Variants in CTU2 observed in about 807,000 individuals in gnomAD.
The protein encoded by CTU2 is cytoplasmic tRNA 2-thiolation protein 2.
Under a neutral mutation model 64.1 loss-of-function variants are expected in CTU2, and 80 were observed. That is an observed-to-expected ratio of 1.25 (90% confidence interval 1.04 to 1.50). CTU2 has a LOEUF of 1.50. Among genes scored for constraint, CTU2 ranks in the 40% most tolerant of loss-of-function variants. CTU2 has a pLI of 0.00. For missense variants in CTU2, 1,110 were observed against 690.2 expected, an observed-to-expected ratio of 1.61 and a Z score of -6.81; for synonymous variants, 482 against 285.3, an observed-to-expected ratio of 1.69 and a Z score of -6.95.
Position 88,714,631 on chromosome 16 carries a change from C to G in CTU2, c.1246C>G (p.Gln416Glu), listed in dbSNP as rs199700993. 6 of 1,612,608 alleles carry G rather than the reference C, an allele frequency of 3.7e-6. No homozygotes were observed. The South Asian group carries it at 4.4e-5, about 12-fold the overall frequency. ...FGAQTSSRLS[Q>E]MQSPIPLTET... is the part of the protein sequence containing the mutation. ...GGCTCAGACCTCCTCGCGTCTCTCC[C>G]AGATGCAGTCACCCATCCCCCTGAC... The change falls in exon 12 of 15, where the codon CAG (glutamine) becomes GAG (glutamate). Residue 416 changes from glutamine to glutamate, a missense_variant. Coordinates refer to ENST00000453996, the MANE Select transcript of CTU2 (RefSeq NM_001012759.3).
In CTU2 at chr16:88,713,477, C is replaced by G. The variant is rs200950022; in HGVS notation, c.873+30C>G. On this transcript the variant is annotated intron_variant, in intron 8 of 14. Coordinates refer to ENST00000453996, the MANE Select transcript of CTU2 (RefSeq NM_001012759.3). Reference sequence around the variant, plus strand: ...GCAGGGGCCTGGGTGTTCAGGAGGCCCATCCTCACCTTCACCCCTTCGGCC... The same window carrying G: ...GCAGGGGCCTGGGTGTTCAGGAGGCGCATCCTCACCTTCACCCCTTCGGCC... 2.6e-6 allele frequency: 4 copies of G among 1,561,032 alleles called. No homozygotes were observed. In the African/African-American group the frequency reaches 4.1e-5, roughly 16 times the overall value.
chr16:88,708,371 A>C (rs890597590), intron 2 of CTU2, among the ~76,000 whole-genome samples: 1 of 152,138 alleles, frequency 6.6e-6, no homozygotes, highest in Non-Finnish European at 1.5e-5. Context: ...GCCTTCCCTG[A>C]CCCACAGGGG....
rs768059367 is a variant in CTU2 at position 88,713,421 on chromosome 16, C to T, written c.847C>T (p.Arg283Ter). The T allele has an allele frequency of 5.0e-6, 8 of 1,592,772 alleles. No individual in the cohort carries two copies. The highest frequency in any genetic ancestry group is 1.1e-5 in the South Asian group (1 of 87,940). Residue 283 changes from arginine to a stop codon, truncating the protein, a stop_gained, in exon 8 of 15, where the codon CGA (arginine) becomes TGA (stop). Coordinates refer to ENST00000453996, the MANE Select transcript of CTU2 (RefSeq NM_001012759.3). LOFTEE classifies it high-confidence loss of function. ...IKLMTNLALG[R>*]GAFLAWDTGF... is the part of the protein sequence containing the mutation. ...GCTCATGACCAACCTGGCGCTGGGT[C>T]GAGGGGCCTTCCTGGCCTGGGATAC...
rs755292375 is a variant in CTU2 at position 88,715,039 on chromosome 16, C to G, written c.1420-9C>G. On this transcript the variant is annotated splice_polypyrimidine_tract_variant and intron_variant, in intron 13 of 14. Transcript: ENST00000453996. ...TTTCTTGGCCCCTCGACACCGGCCT[C>G]TGTTGCAGCCCTCACTGGACCCCCT... The G allele has an allele frequency of 1.9e-6, 3 of 1,576,318 alleles. No individual in the cohort carries two copies. Among genetic ancestry groups the G allele is most frequent in the African/African-American group, 2.7e-5 (2 of 74,444 alleles).
chr16:88,713,391 A>G lies in CTU2; in HGVS notation c.817A>G (p.Ile273Val), dbSNP rs768661007. 9.4e-6 allele frequency: 15 copies of G among 1,603,346 alleles called. No homozygotes were observed. Among genetic ancestry groups the G allele is most frequent in the African/African-American group, 2.7e-5 (2 of 74,076 alleles). The change falls in exon 8 of 15, where the codon ATC becomes GTC. Residue 273 changes from isoleucine to valine, a missense_variant. Physicochemically the swap from Ile to Val is conservative, Grantham distance 29. Coordinates refer to ENST00000453996, the MANE Select transcript of CTU2 (RefSeq NM_001012759.3). ...MTGDSCTRLAIKLMTNLALGR... is the reference protein window; with the variant it reads ...MTGDSCTRLAVKLMTNLALGR... ...TGGGGACAGCTGCACACGCTTGGCTATCAAGCTCATGACCAACCTGGCGCT... is the reference window on the plus strand; with the variant it reads ...TGGGGACAGCTGCACACGCTTGGCTGTCAAGCTCATGACCAACCTGGCGCT...
At chr16:88,709,748 C>T in intron 2 of CTU2, 190 bp from the exon 3 acceptor site, 1 of 606,780 alleles carries the variant, frequency 1.6e-6, no homozygotes, top group African/African-American at 1.8e-5. Context: ...GCCTCGTGTT[C>T]ACCCTGAGGA....
intron 8 of CTU2, 56 bp downstream of exon 8, chr16:88,713,503 A>G (rs1911544710): frequency 2.6e-6 from 4 of 1,546,366 alleles, no homozygotes; most frequent in South Asian, 2.4e-5. Context: ...CCCTTCGGCC[A>G]CCTTTACTGG....
At chr16:88,710,202 G>A (rs78353973) in intron 3 of CTU2, 21 bp from the exon 4 acceptor site, 38 of 1,613,990 alleles carry the variant, frequency 2.4e-5, no homozygotes, top group Non-Finnish European at 3.1e-5. Context: ...GGTGCCCTGA[G>A]TGATGTTTTT....
At position 88,714,227 on chromosome 16, in the gene CTU2, G is replaced by GGTGTGTGTGGGTGTGTGTGGGTGT. The variant is rs149847195; in HGVS notation, c.1097+5_1097+6insTGTGGGTGTGTGTGGGTGTGTGTG. 2.4e-6 allele frequency: 1 copy of GGTGTGTGTGGGTGTGTGTGGGTGT among 417,408 alleles called. No individual in the cohort carries two copies. 25.9% of individuals were successfully genotyped at this position (417,408 alleles called of 1,614,324 possible). On this transcript the variant is annotated inframe_insertion and splice_region_variant. Coordinates refer to ENST00000453996, the MANE Select transcript of CTU2 (RefSeq NM_001012759.3). ...CCCTCCACTGTCAGCACTGTGTACA[G>GGTGTGTGTGGGTGTGTGTGGGTGT]GTGTGGGTGTGTGTGGGTGTGTGCG...
At chr16:88,710,474 G>A (rs930638279) in intron 4 of CTU2, 192 bp downstream of exon 4, 3 of 597,960 alleles carry the variant, frequency 5.0e-6, no homozygotes, top group African/African-American at 1.9e-5. Context: ...CAGTGTGTGT[G>A]TGCGGCCCAC....
At position 88,706,947 on chromosome 16, in the gene CTU2, A is replaced by C. The variant is rs979991907; in HGVS notation, c.69-189A>C. 4.3e-5 allele frequency: 26 copies of C among 607,554 alleles called. No individual in the cohort carries two copies. In the Admixed American group the frequency reaches 5.3e-4, roughly 12 times the overall value. 37.6% of individuals were successfully genotyped at this position (607,554 alleles called of 1,614,324 possible). A position where few individuals can be genotyped will look rare whatever the true frequency, so the allele number is the denominator to read the frequency against. The stretch of plus-strand genomic sequence containing the variant: ...CCCCTGAGCCGGCTTTTCTAGGCTA[A>C]ACATCCCCCCAGAGCCTTTGTTTTT... On this transcript the variant is annotated intron_variant, in intron 1 of 14. Coordinates refer to ENST00000453996, the MANE Select transcript of CTU2 (RefSeq NM_001012759.3).
Position 88,710,245 on chromosome 16 carries a change from G to T in CTU2, c.245G>T (p.Gly82Val). 1 of 1,614,070 alleles carries T rather than the reference G, an allele frequency of 6.2e-7. No homozygotes were observed. The highest frequency in any genetic ancestry group is 1.1e-5 in the South Asian group (1 of 91,078). ...GEKVLLAWSG[G>V]PSSSSMVWQV... ...CAGGTGCTCTTGGCGTGGTCTGGGGGGCCTTCGTCCAGCTCCATGGTCTGG... is the reference window on the plus strand; with the variant it reads ...CAGGTGCTCTTGGCGTGGTCTGGGGTGCCTTCGTCCAGCTCCATGGTCTGG... The change falls in exon 4 of 15, where the codon GGG (glycine) becomes GTG (valine). Residue 82 changes from glycine to valine, a missense_variant. By Grantham distance (109) the Gly-to-Val change is moderately radical. Transcript: ENST00000453996.
intron 2 of CTU2, among the ~76,000 whole-genome samples, chr16:88,707,586 G>A (rs909314254): frequency 1.3e-4 from 20 of 152,184 alleles, no homozygotes; most frequent in African/African-American, 4.1e-4. Flanking sequence ...CTGGGTGAAA[G>A]TTTTTAATCT....
In CTU2 at chr16:88,714,194, C is replaced by G. The variant is rs749230204; in HGVS notation, c.1064C>G (p.Thr355Ser). 2 of 1,612,270 alleles carry G rather than the reference C, an allele frequency of 1.2e-6. No homozygotes were observed. The highest frequency in any genetic ancestry group is 2.2e-5 in the South Asian group (2 of 91,072). The stretch of plus-strand genomic sequence containing the variant: ...GAGGCCTTCATCCTCAGGCTGCAGA[C>G]CCAGTTCCCCTCCACTGTCAGCACT... ...LMEAFILRLQ[T>S]QFPSTVSTVY... The change falls in exon 10 of 15, where the codon ACC (threonine) becomes AGC (serine). Residue 355 changes from threonine (T) to serine (S), a missense_variant. Physicochemically the swap from Thr to Ser is moderately conservative, Grantham distance 58. Transcript: ENST00000453996.
chr16:88,711,500 CA>C, intron 4 of CTU2, 134 bp from the exon 5 acceptor site: 3 of 877,880 alleles, frequency 3.4e-6, no homozygotes, highest in African/African-American at 1.7e-5. Context: ...TGGCTTTGTC[CA>C]ATAAACGCAA....
rs61730418 is a variant in CTU2 at position 88,714,405 on chromosome 16, G to C, written c.1120G>C (p.Gly374Arg). ...VYRTSEKLVK[G>R]PRDGPAAGDS... ...CAGGACAAGTGAGAAGCTGGTGAAG[G>C]GCCCCCGGGATGGCCCTGCTGCTGG... Residue 374 changes from glycine to arginine, a missense_variant, in exon 11 of 15, where the codon GGC becomes CGC. Gly to Arg is a moderately radical substitution (Grantham distance 125). Coordinates refer to ENST00000453996, the MANE Select transcript of CTU2 (RefSeq NM_001012759.3). The C allele has an allele frequency of 1.2e-6, 2 of 1,612,492 alleles. No individual in the cohort carries two copies. The highest frequency in any genetic ancestry group is 1.7e-6 in the Non-Finnish European group (2 of 1,179,828).
intron 12 of CTU2, 59 bp from the exon 13 acceptor site, chr16:88,714,801 C>T (rs915091844): frequency 6.2e-7 from 1 of 1,610,412 alleles, no homozygotes; most frequent in African/African-American, 1.3e-5. Context: ...CTGTCCTTAC[C>T]CCACACTGCA....
rs772381671 is a variant in CTU2, at chr16:88,715,261, C to T, written c.*10C>T. ...GGCGGGCCAGAGCTGAGCGTGAGGA[C>T]GTGCTTGCCGGGACAGCAGGCAGTG... On this transcript the variant is annotated 3_prime_UTR_variant, in exon 15 of 15. Coordinates refer to ENST00000453996, the MANE Select transcript of CTU2 (RefSeq NM_001012759.3). 1.9e-5 allele frequency: 30 copies of T among 1,610,020 alleles called. No individual in the cohort carries two copies. In the Middle Eastern group the frequency reaches 4.9e-4, roughly 27 times the overall value.
chr16:88,711,973 C>T, intron 5 of CTU2: 1 of 607,266 alleles, frequency 1.6e-6, no homozygotes, highest in Non-Finnish European at 2.9e-6. Flanking sequence ...CAGCCCCCAT[C>T]ACGGGGTCTG....
Sources: allele counts gnomAD v4.1 joint callset (sites outside exome capture counted in the v4.1 genomes callset), GRCh38; gene constraint gnomAD v4.1.1; transcripts MANE v1.5; gene names NCBI Gene and HGNC (gene_info 2026-07-23, HGNC 2026-07-21).